Variants in PLCB3 observed in about 807,000 individuals in gnomAD.
PLCB3 encodes the protein 1-phosphatidylinositol 4,5-bisphosphate phosphodiesterase beta-3.
A neutral mutation model predicts 152.1 loss-of-function variants in PLCB3; 54 were observed. The observed-to-expected ratio is 0.36, with a 90% CI of 0.29 to 0.45. The LOEUF is 0.45. PLCB3 is among the 20% of genes least tolerant of loss of function. The probability of loss-of-function intolerance (pLI) is 1.00; values close to 1 mark genes in which losing one functional copy is unlikely to be tolerated. For missense variants in PLCB3, 1,248 were observed against 1,687.5 expected (o/e 0.74, Z 4.56); for synonymous variants, 717 against 698.7 (o/e 1.03, Z -0.41).
In PLCB3 at chr11:64,267,471, G is replaced by T. The variant is rs774904091; in HGVS notation, c.3620G>T (p.Cys1207Phe). Residue 1207 changes from cysteine (C) to phenylalanine (F), a missense_variant, in exon 31 of 31, where the codon TGT (cysteine) becomes TTT (phenylalanine). Around this residue, in one of 6 missense-constraint regions of PLCB3, gnomAD observed 477 missense variants for 489.6 expected, o/e 0.97. Transcript: ENST00000279230. The surrounding 1 kb of genome is among the most constrained non-coding windows in gnomAD (Gnocchi z 5.2). ...CTGGGGGACGGGCCTCTGGTGGCCTGTGCCAGCAACGGTCACGCACCCGGG... is the reference window on the plus strand; with the variant it reads ...CTGGGGGACGGGCCTCTGGTGGCCTTTGCCAGCAACGGTCACGCACCCGGG... Reference protein sequence around the residue: ...EGLGDGPLVACASNGHAPGSS... With the variant: ...EGLGDGPLVAFASNGHAPGSS... The T allele has an allele frequency of 6.4e-7, 1 of 1,563,406 alleles. No homozygotes were observed. The highest frequency in any genetic ancestry group is 8.6e-7 in the Non-Finnish European group (1 of 1,158,448).
At chr11:64,269,431 C>A (rs564995162), downstream of PLCB3, among the ~76,000 whole-genome samples, 3 of 152,376 alleles carry the variant, frequency 2.0e-5, no homozygotes, top group East Asian at 5.8e-4. Context: ...CGCATGAAGC[C>A]TCAGTTTCCA....
Position 64,265,323 on chromosome 11 carries a change from C to T in PLCB3, c.2856C>T (p.Thr952=), listed in dbSNP as rs753398301. 6.3e-7 allele frequency: 1 copy of T among 1,597,312 alleles called. No individual in the cohort carries two copies. Among genetic ancestry groups the T allele is most frequent in the Non-Finnish European group, 8.5e-7 (1 of 1,171,060 alleles). ...IASILSEVAP[T]PLDELRGHKA... is the part of the protein sequence containing the mutation. ...TGCCGCTCCCAGAGGTGGCCCCCAC[C>T]CCGCTGGATGAGCTCCGAGGTCACA... Residue 952 remains threonine, a synonymous_variant, in exon 25 of 31, where the codon ACC becomes ACT. Transcript: ENST00000279230.
rs759430232 is a variant in PLCB3 at position 64,264,923 on chromosome 11, A to C, written c.2653-28A>C. On this transcript the variant is annotated intron_variant, in intron 22 of 30. Transcript: ENST00000279230. ...GGGTCTGGAGGGAACAGCATTTCTG[A>C]AAAGAGCATTCTCCTTTCTCCCTAT... 7 of 1,612,082 alleles carry C rather than the reference A, an allele frequency of 4.3e-6. No individual in the cohort carries two copies. The Admixed American group carries it at 1.2e-4, about 27-fold the overall frequency.
rs777662884 is a variant in PLCB3 at position 64,262,394 on chromosome 11, C to T, written c.2039-13C>T. Reference sequence around the variant, plus strand: ...GATCCCTGCCCCTGCTCGACGTGCCCGTGGCACCCCAGATGTGGCGATGCA... The same window carrying T: ...GATCCCTGCCCCTGCTCGACGTGCCTGTGGCACCCCAGATGTGGCGATGCA... On this transcript the variant is annotated splice_polypyrimidine_tract_variant and intron_variant, in intron 17 of 30. Coordinates refer to ENST00000279230, the MANE Select transcript of PLCB3 (RefSeq NM_000932.5). 8.7e-6 allele frequency: 14 copies of T among 1,608,908 alleles called. No individual in the cohort carries two copies. The highest frequency in any genetic ancestry group is 1.7e-4 in the Middle Eastern group (1 of 6,050).
rs2135042756 is a variant in PLCB3 at position 64,255,652 on chromosome 11, C to T, written c.597+36C>T. 6.2e-7 allele frequency: 1 copy of T among 1,603,640 alleles called. No individual in the cohort carries two copies. The highest frequency in any genetic ancestry group is 8.5e-7 in the Non-Finnish European group (1 of 1,173,122). On this transcript the variant is annotated intron_variant, in intron 7 of 30. Transcript: ENST00000279230. The surrounding 1 kb of genome is among the most constrained non-coding windows in gnomAD (Gnocchi z 6.8). ...TGGGGACAGGGGCGGGGTGGGGTGT[C>T]ACGGTGGGCACCCACCCTTACGGGG...
chr11:64,254,376 C>T (rs756311740), intron 1 of PLCB3, 39 bp from the exon 2 acceptor site: 7 of 1,550,540 alleles, frequency 4.5e-6, no homozygotes, highest in Non-Finnish European at 5.3e-6. Context: ...GCACCACAGC[C>T]CTCACTTCCT....
chr11:64,262,488 G>A lies in PLCB3; in HGVS notation c.2120G>A (p.Arg707Gln), dbSNP rs1228790993. 1.2e-6 allele frequency: 2 copies of A among 1,614,006 alleles called. No individual in the cohort carries two copies. The highest frequency in any genetic ancestry group is 1.7e-5 in the Admixed American group (1 of 60,030). Residue 707 changes from arginine (R) to glutamine (Q), a missense_variant, in exon 18 of 31, where the codon CGG becomes CAG. By Grantham distance (43) the Arg-to-Gln change is conservative. This residue lies in a region of PLCB3 where 244 missense variants were observed against 424.4 expected (regional missense o/e 0.57). Coordinates refer to ENST00000279230, the MANE Select transcript of PLCB3 (RefSeq NM_000932.5). ...CTGCTCAAGCCGGAGTTCATGCGGC[G>A]GCCGGACAAGTCCTTCGACCCCTTC... ...GYLLKPEFMR[R>Q]PDKSFDPFTE...
chr11:64,264,072 A>G lies in PLCB3; in HGVS notation c.2612A>G (p.Gln871Arg). The G allele has an allele frequency of 6.4e-7, 1 of 1,561,086 alleles. No homozygotes were observed. Among genetic ancestry groups the G allele is most frequent in the African/African-American group, 1.4e-5 (1 of 73,074 alleles). The change falls in exon 22 of 31, where the codon CAG becomes CGG. Residue 871 changes from glutamine (Q) to arginine (R), a missense_variant. Around this residue, in one of 6 missense-constraint regions of PLCB3, gnomAD observed 244 missense variants for 424.4 expected, o/e 0.57. Coordinates refer to ENST00000279230, the MANE Select transcript of PLCB3 (RefSeq NM_000932.5). ...NPIKHVSLMD[Q>R]RARQLAALIG... ...ATTAAGCACGTCAGCCTGATGGACC[A>G]GAGGGCCCGGCAGCTGGCCGCCCTC...
chr11:64,262,825 C>T lies in PLCB3; in HGVS notation c.2355+17C>T, dbSNP rs2031924460. 1 of 1,609,690 alleles carries T rather than the reference C, an allele frequency of 6.2e-7. No homozygotes were observed. The highest frequency in any genetic ancestry group is 8.5e-7 in the Non-Finnish European group (1 of 1,178,384). On this transcript the variant is annotated intron_variant, in intron 19 of 30. Transcript: ENST00000279230. ...TTCCCCAAGGTGAGCCTGGCCCCTG[C>T]ACCCGCCCAGGCACAGGCAGATCCA... is the stretch of plus-strand genomic sequence containing the variant.
chr11:64,265,753 T>C (rs1225816597), intron 25 of PLCB3, 133 bp from the exon 26 acceptor site: 1 of 1,300,250 alleles, frequency 7.7e-7, no homozygotes, highest in Non-Finnish European at 1.0e-6. Flanking sequence ...ACAGGCCTCC[T>C]GGTTTGCATA....
Position 64,257,154 on chromosome 11 carries a change from G to C in PLCB3, c.1012+390G>C, listed in dbSNP as rs188219834. Among the ~76,000 whole-genome samples, 244 of 152,172 alleles carry C rather than the reference G, an allele frequency of 1.6e-3. 2 individuals carry two copies. The highest frequency in any genetic ancestry group is 5.3e-3 in the African/African-American group (219 of 41,508). ...CAAGTAGCTGGGATTACAGGCATTC[G>C]CCACCACGCCCGGCTAATTTTGTAT... On this transcript the variant is annotated intron_variant, in intron 10 of 30. Coordinates refer to ENST00000279230, the MANE Select transcript of PLCB3 (RefSeq NM_000932.5).
rs745655129 is a variant in PLCB3, at chr11:64,255,198, C to T, written c.388-36C>T. 1.3e-5 allele frequency: 20 copies of T among 1,569,116 alleles called. No individual in the cohort carries two copies. In the Admixed American group the frequency reaches 3.2e-4, roughly 25 times the overall value. On this transcript the variant is annotated intron_variant, in intron 4 of 30. Coordinates refer to ENST00000279230, the MANE Select transcript of PLCB3 (RefSeq NM_000932.5). The surrounding 1 kb of genome is among the most constrained non-coding windows in gnomAD (Gnocchi z 6.8). ...TGTGGCTGGGCAGCCCCTGTGTCCC[C>T]CACTCACCGCCTCCCCGTGTATACT...
At chr11:64,265,848 A>G (rs557470808) in intron 25 of PLCB3, 38 bp from the exon 26 acceptor site, 112 of 1,602,722 alleles carry the variant, frequency 7.0e-5, no homozygotes, top group Middle Eastern at 4.5e-4. Flanking sequence ...AGTCCATGTG[A>G]CGGGCCCAGG....
At chr11:64,256,332 G>T in intron 8 of PLCB3, 44 bp from the exon 9 acceptor site, 1 of 1,586,046 alleles carries the variant, frequency 6.3e-7, no homozygotes, top group Non-Finnish European at 8.6e-7. Context: ...CGGGGTGGGA[G>T]CCCTGCCAGG....
chr11:64,255,922 G>A lies in PLCB3; in HGVS notation c.698+101G>A. 2.2e-6 allele frequency: 2 copies of A among 924,276 alleles called. No homozygotes were observed. Among genetic ancestry groups the A allele is most frequent in the Non-Finnish European group, 3.5e-6 (2 of 568,086 alleles). 57.3% of individuals were successfully genotyped at this position (924,276 alleles called of 1,614,324 possible). The stretch of plus-strand genomic sequence containing the variant: ...GGGAGAGGGGAAACTGGTGGGCCGG[G>A]TCCTGGAGCGCCAGGGGGCGGAGGG... On this transcript the variant is annotated intron_variant, in intron 8 of 30. Transcript: ENST00000279230. This position sits in a 1 kb window ranked among gnomAD's most constrained non-coding sequence, Gnocchi z 6.8.
chr11:64,255,619 G>A lies in PLCB3; in HGVS notation c.597+3G>A. On this transcript the variant is annotated splice_donor_region_variant and intron_variant, in intron 7 of 30. Coordinates refer to ENST00000279230, the MANE Select transcript of PLCB3 (RefSeq NM_000932.5). The surrounding 1 kb of genome is among the most constrained non-coding windows in gnomAD (Gnocchi z 6.8). ...CCTGTGGCCTCAAATTCAACCGGGT[G>A]TGTGGGGTGGGGACAGGGGCGGGGT... 1 of 1,600,722 alleles carries A rather than the reference G, an allele frequency of 6.2e-7. No individual in the cohort carries two copies.
intron 1 of PLCB3, among the ~76,000 whole-genome samples, chr11:64,253,286 T>C (rs2135036779): frequency 6.6e-6 from 1 of 152,328 alleles, no homozygotes; most frequent in Admixed American, 6.5e-5. Context: ...AAGCAGGTCC[T>C]GGCTCCAGTG....
At chr11:64,254,281 G>T (rs2031393812) in intron 1 of PLCB3, 134 bp from the exon 2 acceptor site, 1 of 735,854 alleles carries the variant, frequency 1.4e-6, no homozygotes, top group Non-Finnish European at 2.4e-6. Context: ...AGCCACACAG[G>T]ACCTGTGGAC....
intron 19 of PLCB3, 100 bp downstream of exon 19, chr11:64,262,908 C>T: frequency 7.8e-7 from 1 of 1,274,152 alleles, no homozygotes; most frequent in Non-Finnish European, 1.1e-6. Flanking sequence ...CCGTTGGCGA[C>T]TGGGGATCAG....
Sources: gnomAD v4.1 joint callset for allele counts (sites outside exome capture counted in the v4.1 genomes callset) on GRCh38, gnomAD v4.1.1 for gene constraint, gnomAD v4.1.1 regional missense constraint, Gnocchi (gnomAD v3.1) non-coding constraint, MANE v1.5 for transcripts, NCBI Gene and HGNC (gene_info 2026-07-23, HGNC 2026-07-21) for gene names.